Variants in MED12L observed in about 807,000 individuals in gnomAD.
MED12L encodes mediator complex subunit 12L, also known as mediator of RNA polymerase II transcription subunit 12-like protein.
Under a neutral mutation model 281.3 loss-of-function variants are expected in MED12L, and 60 were observed. The observed-to-expected ratio is 0.21, with a 90% CI of 0.17 to 0.26. The LOEUF is 0.26. Among genes scored for constraint, MED12L ranks in the 10% least tolerant of loss-of-function variants. The probability of loss-of-function intolerance (pLI) is 1.00; values close to 1 mark genes in which losing one functional copy is unlikely to be tolerated. For missense variants in MED12L, 2,146 were observed against 2,680.9 expected (o/e 0.80, Z 4.41); for synonymous variants, 974 against 987.2 (o/e 0.99, Z 0.25).
intron 5 of MED12L, among the ~76,000 whole-genome samples, chr3:151,154,633 G>A (rs1719025812): frequency 6.6e-6 from 1 of 152,186 alleles, no homozygotes; most frequent in South Asian, 2.1e-4. Context: ...GTACCATACT[G>A]ACAGTGAGTT....
chr3:151,295,454 C>T (rs1744958152), intron 16 of MED12L, among the ~76,000 whole-genome samples: 1 of 152,140 alleles, frequency 6.6e-6, no homozygotes, highest in Non-Finnish European at 1.5e-5. Flanking sequence ...TTCTGATCCC[C>T]TTTGCCAGCC....
At chr3:151,256,158 C>T (rs1044577234) in intron 16 of MED12L, among the ~76,000 whole-genome samples, 2 of 152,148 alleles carry the variant, frequency 1.3e-5, no homozygotes, top group South Asian at 2.1e-4. Context: ...GACCCAGCCA[C>T]TGTGGTTATA....
intron 16 of MED12L, among the ~76,000 whole-genome samples, chr3:151,227,596 T>A (rs1730794473): frequency 6.6e-6 from 1 of 152,188 alleles, no homozygotes; most frequent in Non-Finnish European, 1.5e-5. Flanking sequence ...TGCAAATGGA[T>A]CATGGGAGCT....
chr3:151,194,186 C>G (rs546042134), intron 16 of MED12L, among the ~76,000 whole-genome samples: 5 of 152,136 alleles, frequency 3.3e-5, no homozygotes, highest in East Asian at 1.9e-4. Context: ...AGGCTGGTCT[C>G]GAACTCCTGA....
chr3:151,112,059 C>T (rs1232034842), intron 2 of MED12L, among the ~76,000 whole-genome samples: 1 of 152,080 alleles, frequency 6.6e-6, no homozygotes, highest in Non-Finnish European at 1.5e-5. Context: ...TTAATACACA[C>T]TGAGTTTCTG....
intron 2 of MED12L, among the ~76,000 whole-genome samples, chr3:151,110,290 A>G (rs1440759699): frequency 6.6e-6 from 1 of 152,182 alleles, no homozygotes; most frequent in Admixed American, 6.5e-5. Flanking sequence ...GGTGACACGC[A>G]TTACCTCTTG....
intron 16 of MED12L, among the ~76,000 whole-genome samples, chr3:151,326,051 T>C (rs1222957806): frequency 6.6e-6 from 1 of 152,222 alleles, no homozygotes; most frequent in Non-Finnish European, 1.5e-5. Context: ...TTAACCATTA[T>C]CAATAGTGCA....
At chr3:151,249,206 G>A (rs1040257371) in intron 16 of MED12L, 3 of 152,120 alleles carry the variant, frequency 2.0e-5, no homozygotes, top group Admixed American at 6.5e-5. Flanking sequence ...CTGTGAAAAG[G>A]GAGACTGAGC....
At chr3:151,177,970 A>G (rs1722259291) in intron 11 of MED12L, among the ~76,000 whole-genome samples, 1 of 151,806 alleles carries the variant, frequency 6.6e-6, no homozygotes, top group Non-Finnish European at 1.5e-5. Flanking sequence ...CCTCAAGCCT[A>G]CCTCTTGTTC....
At chr3:151,329,507 G>C in intron 16 of MED12L, 2 of 1,547,984 alleles carry the variant, frequency 1.3e-6, no homozygotes, top group Non-Finnish European at 1.7e-6. Context: ...AGTTCTCTCT[G>C]TCTTCTTATG....
intron 5 of MED12L, among the ~76,000 whole-genome samples, chr3:151,139,270 C>A (rs963054487): frequency 1.3e-5 from 2 of 152,040 alleles, no homozygotes; most frequent in African/African-American, 2.4e-5. Context: ...ATTTTCTGTT[C>A]CAATCCTATA....
intron 16 of MED12L, among the ~76,000 whole-genome samples, chr3:151,237,365 T>TA (rs1553753114): frequency 1.5e-5 from 2 of 136,708 alleles, no homozygotes; most frequent in African/African-American, 6.2e-5. Context: ...TTTTTTTTTT[T>TA]TGAGACAGAG....
At chr3:151,162,610 T>A (rs1720142703) in intron 8 of MED12L, among the ~76,000 whole-genome samples, 1 of 151,956 alleles carries the variant, frequency 6.6e-6, no homozygotes. Context: ...AGCTAATTTT[T>A]AAATTTTTCT....
chr3:151,109,673 G>A (rs1711571834), intron 2 of MED12L, among the ~76,000 whole-genome samples: 1 of 152,102 alleles, frequency 6.6e-6, no homozygotes, highest in African/African-American at 2.4e-5. Flanking sequence ...GTTAATACTT[G>A]GTCTTGGACA....
chr3:151,165,987 T>G lies in MED12L; in HGVS notation c.1494+5T>G, dbSNP rs1206372795. On this transcript the variant is annotated splice_donor_5th_base_variant and intron_variant, in intron 11 of 44. Coordinates refer to ENST00000687756, the MANE Select transcript of MED12L (RefSeq NM_001393769.1). ...CAAAACAAAGATAACCAAGAGGTAG[T>G]TAATTTTTTTTTAATTCTTTTCACC... is the stretch of plus-strand genomic sequence containing the variant. 3 of 1,590,556 alleles carry G rather than the reference T, an allele frequency of 1.9e-6. No individual in the cohort carries two copies. Among genetic ancestry groups the G allele is most frequent in the Non-Finnish European group, 2.6e-6 (3 of 1,170,720 alleles).
chr3:151,239,366 A>G (rs376310390), intron 16 of MED12L, among the ~76,000 whole-genome samples: 11 of 152,378 alleles, frequency 7.2e-5, no homozygotes, highest in East Asian at 1.9e-4. Context: ...AAGAAAATCC[A>G]GAAGGCCATT....
chr3:151,429,648 A>G (rs1053694178), intron 43 of MED12L, among the ~76,000 whole-genome samples: 10 of 152,230 alleles, frequency 6.6e-5, no homozygotes, highest in Non-Finnish European at 1.5e-4. Flanking sequence ...AGATAGAATC[A>G]GGGCATGTGG....
chr3:151,329,678 A>T, intron 16 of MED12L: 1 of 506,090 alleles, frequency 2.0e-6, no homozygotes, highest in East Asian at 3.3e-5. Flanking sequence ...TTTTAGTTCA[A>T]ACTTTCATAC....
In MED12L at chr3:151,161,120, G is replaced by A. The variant is rs80183267; in HGVS notation, c.1107+1019G>A. Among the ~76,000 whole-genome samples the A allele has an allele frequency of 8.9e-3, 1,351 of 152,308 alleles. 49 individuals carry two copies. The highest frequency in any genetic ancestry group is 0.068 in the Admixed American group (1,041 of 15,296). The stretch of plus-strand genomic sequence containing the variant: ...GCAGCAAAGTGACACAGGTAGTTGT[G>A]TAATTGTCGTTAGATTGATTGGCCA... On this transcript the variant is annotated intron_variant, in intron 8 of 44. Transcript: ENST00000687756.
Sources: allele counts gnomAD v4.1 joint callset (sites outside exome capture counted in the v4.1 genomes callset), GRCh38; gene constraint gnomAD v4.1.1; transcripts MANE v1.5; gene names NCBI Gene and HGNC (gene_info 2026-07-23, HGNC 2026-07-21).